ALPK2: variants seen among roughly 807,000 people sequenced by gnomAD.
ALPK2 encodes the protein alpha-protein kinase 2.
Under a neutral mutation model 163.1 loss-of-function variants are expected in ALPK2, and 127 were observed. The ratio of observed to expected loss-of-function variants is 0.78; its 90% CI spans 0.67 to 0.90. The LOEUF is 0.90. Among genes scored for constraint, ALPK2 ranks in the 40% least tolerant of loss-of-function variants. The pLI, the probability that ALPK2 is intolerant of heterozygous loss-of-function variation, is 0.00. For synonymous variants in ALPK2, 953 were observed against 959.1 expected (o/e 0.99, Z 0.12); for missense variants, 2,360 against 2,589.6 (o/e 0.91, Z 1.92).
rs1343967524 is a variant in ALPK2 at position 58,529,137 on chromosome 18, T to C, written c.5455A>G (p.Ile1819Val). ...QFAEIHEDST[I>V]CWTKDSKSIA... ...GACTTTGAATCTTTTGTCCAGCAGA[T>C]AGTAGAATCTTCATGAATTTCTGCA... The change falls in exon 6 of 13, where the codon ATC becomes GTC. Residue 1819 changes from isoleucine (I) to valine (V), a missense_variant. Ile to Val is a conservative substitution (Grantham distance 29). Transcript: ENST00000361673. 1.9e-6 allele frequency: 3 copies of C among 1,613,182 alleles called. No individual in the cohort carries two copies. Among genetic ancestry groups the C allele is most frequent in the Non-Finnish European group, 2.5e-6 (3 of 1,179,252 alleles).
intron 1 of ALPK2, among the ~76,000 whole-genome samples, chr18:58,616,881 G>C (rs767385223): frequency 6.6e-4 from 101 of 152,232 alleles, no homozygotes; most frequent in Non-Finnish European, 1.1e-3. Context: ...CAGAAGCCTT[G>C]ACTTGCAGCT....
chr18:58,488,751 G>T (rs1421909469), intron 12 of ALPK2, among the ~76,000 whole-genome samples: 2 of 151,980 alleles, frequency 1.3e-5, no homozygotes, highest in South Asian at 2.1e-4. Context: ...CAGGATGGGG[G>T]TGAAGAATTG....
chr18:58,603,497 G>A lies in ALPK2; in HGVS notation c.227+3825C>T, dbSNP rs114222375. Among the ~76,000 whole-genome samples the A allele has an allele frequency of 5.3e-3, 800 of 152,288 alleles. 7 individuals carry two copies. Among genetic ancestry groups the A allele is most frequent in the African/African-American group, 0.017 (726 of 41,558 alleles). On this transcript the variant is annotated intron_variant, in intron 3 of 12. Coordinates refer to ENST00000361673, the MANE Select transcript of ALPK2 (RefSeq NM_052947.4). ...GCTGCTTTGTCCCGCTTTAGCCCAG[G>A]CAGGAGCGGAGCTTTGCTGCTCCTG...
At chr18:58,484,132 G>GA (rs2051326374) in intron 12 of ALPK2, among the ~76,000 whole-genome samples, 1 of 152,020 alleles carries the variant, frequency 6.6e-6, no homozygotes. Context: ...GAGGATGATT[G>GA]AAAAAAGAGT....
At chr18:58,595,562 TA>T (rs2052036692) in intron 3 of ALPK2, among the ~76,000 whole-genome samples, 1 of 152,218 alleles carries the variant, frequency 6.6e-6, no homozygotes, top group South Asian at 2.1e-4. Flanking sequence ...GCTTTGTTCC[TA>T]ACCCATTGTG....
intron 4 of ALPK2, among the ~76,000 whole-genome samples, chr18:58,577,060 G>C (rs1304488648): frequency 1.3e-5 from 2 of 152,244 alleles, no homozygotes; most frequent in Admixed American, 1.3e-4. Flanking sequence ...ATGAATGTGT[G>C]TGTGAGTGTG....
At position 58,612,129 on chromosome 18, in the gene ALPK2, G is replaced by C. The variant is rs540524657; in HGVS notation, c.-20-312C>G. ...CAAAAATGTCTGCAGACACTGCAGG[G>C]GAATGGGGGGGTGCCCTGATTAAGA... On this transcript the variant is annotated intron_variant, in intron 1 of 12. Coordinates refer to ENST00000361673, the MANE Select transcript of ALPK2 (RefSeq NM_052947.4). 7.2e-5 allele frequency among the ~76,000 whole-genome samples: 11 copies of C among 152,048 alleles called. No individual in the cohort carries two copies. The South Asian group carries it at 2.3e-3, about 32-fold the overall frequency.
chr18:58,585,004 C>G (rs2051978304), intron 3 of ALPK2, among the ~76,000 whole-genome samples: 1 of 152,188 alleles, frequency 6.6e-6, no homozygotes, highest in Admixed American at 6.5e-5. Flanking sequence ...CGGAGGGAAG[C>G]AGTAACATTC....
At chr18:58,619,352 C>A (rs530941037) in intron 1 of ALPK2, among the ~76,000 whole-genome samples, 1 of 151,900 alleles carries the variant, frequency 6.6e-6, no homozygotes, top group South Asian at 2.1e-4. Context: ...CTTCTCACAG[C>A]CTGCAAGTGG....
At chr18:58,597,542 A>T (rs1427816601) in intron 3 of ALPK2, among the ~76,000 whole-genome samples, 1 of 152,210 alleles carries the variant, frequency 6.6e-6, no homozygotes, top group East Asian at 1.9e-4. Context: ...GAGGCCAAGA[A>T]TTGGACCTGG....
At chr18:58,602,541 T>A (rs923924408) in intron 3 of ALPK2, among the ~76,000 whole-genome samples, 2 of 152,148 alleles carry the variant, frequency 1.3e-5, no homozygotes, top group African/African-American at 4.8e-5. Flanking sequence ...CCAATCTCTG[T>A]CTCTGTCTTC....
At chr18:58,534,808 A>T in intron 5 of ALPK2, 26 bp downstream of exon 5, 1 of 1,572,032 alleles carries the variant, frequency 6.4e-7, no homozygotes. Context: ...AAACTTTAAC[A>T]ATGATGGACA....
chr18:58,517,921 T>C (rs2051531057), intron 8 of ALPK2, among the ~76,000 whole-genome samples: 1 of 152,152 alleles, frequency 6.6e-6, no homozygotes, highest in Non-Finnish European at 1.5e-5. Flanking sequence ...TAGAATTATT[T>C]TAAGTTTTCT....
intron 4 of ALPK2, among the ~76,000 whole-genome samples, chr18:58,549,749 T>C (rs2051740398): frequency 6.6e-6 from 1 of 152,208 alleles, no homozygotes; most frequent in Admixed American, 6.5e-5. Context: ...GTCCAATCCC[T>C]TGGGCAGTCC....
intron 8 of ALPK2, among the ~76,000 whole-genome samples, chr18:58,517,509 A>G (rs1437331004): frequency 1.3e-5 from 2 of 152,200 alleles, no homozygotes; most frequent in Non-Finnish European, 2.9e-5. Flanking sequence ...AGTTGAAAAG[A>G]TGGGAAAAGT....
intron 4 of ALPK2, among the ~76,000 whole-genome samples, chr18:58,551,675 A>C (rs2051761016): frequency 6.6e-6 from 1 of 152,200 alleles, no homozygotes; most frequent in Non-Finnish European, 1.5e-5. Context: ...GGTGGTGTAC[A>C]CTTGAGAAGA....
In ALPK2 at chr18:58,543,411, G is replaced by T. The variant is rs984490617; in HGVS notation, c.1963-5187C>A. 1.3e-5 allele frequency: 13 copies of T among 985,254 alleles called. No homozygotes were observed. The African/African-American group carries it at 1.9e-4, about 15-fold the overall frequency. 61.0% of individuals were successfully genotyped at this position (985,254 alleles called of 1,614,324 possible). ...GTAGACCACACAGGAGCTTGTGGAGGCAGTCTGTGCGTTGATACAGGCAGG... is the reference window on the plus strand; with the variant it reads ...GTAGACCACACAGGAGCTTGTGGAGTCAGTCTGTGCGTTGATACAGGCAGG... On this transcript the variant is annotated intron_variant, in intron 4 of 12. Transcript: ENST00000361673.
intron 6 of ALPK2, among the ~76,000 whole-genome samples, chr18:58,526,336 GC>G (rs1202524050): frequency 2.6e-5 from 4 of 152,174 alleles, no homozygotes; most frequent in African/African-American, 7.2e-5. Context: ...GCCCTAAGGA[GC>G]CAGGGCTTGG....
chr18:58,500,015 G>C (rs1035815799), intron 11 of ALPK2, among the ~76,000 whole-genome samples: 1 of 152,250 alleles, frequency 6.6e-6, no homozygotes, highest in African/African-American at 2.4e-5. Context: ...AACAAAGGAC[G>C]TGTTGGGATT....
Sources: gnomAD v4.1 joint callset for allele counts (sites outside exome capture counted in the v4.1 genomes callset) on GRCh38, gnomAD v4.1.1 for gene constraint, MANE v1.5 for transcripts, NCBI Gene and HGNC (gene_info 2026-07-23, HGNC 2026-07-21) for gene names.